The following DOCK3 variants were observed in gnomAD, a reference collection of about 807,000 sequenced individuals.
DOCK3 encodes dedicator of cytokinesis protein 3.
A neutral mutation model predicts 265.6 loss-of-function variants in DOCK3; 60 were observed. That is an observed-to-expected ratio of 0.23 (90% CI 0.18 to 0.28). DOCK3 has a LOEUF of 0.28. DOCK3 is among the 10% of genes least tolerant of loss of function. DOCK3 has a pLI of 1.00. For synonymous variants in DOCK3, 881 were observed against 938.0 expected, an observed-to-expected ratio of 0.94 and a Z score of 1.11; for missense variants, 1,981 against 2,594.3, an observed-to-expected ratio of 0.76 and a Z score of 5.14.
At chr3:51,124,184 A>G (rs887958393) in intron 9 of DOCK3, among the ~76,000 whole-genome samples, 6 of 152,158 alleles carry the variant, frequency 3.9e-5, no homozygotes, top group Non-Finnish European at 8.8e-5. Flanking sequence ...TGCCAGCATT[A>G]TAATGTTATA....
rs533409645 is a variant in DOCK3, at chr3:51,164,746, A to G, written c.1037+4044A>G. On this transcript the variant is annotated intron_variant, in intron 12 of 52. Coordinates refer to ENST00000266037, the MANE Select transcript of DOCK3 (RefSeq NM_004947.5). ...ACCCACAAAAATTAAAAATGTAAAG[A>G]AATAAACTTCTTTTAATTAAAGCAA... Among the ~76,000 whole-genome samples the G allele has an allele frequency of 5.3e-5, 8 of 152,270 alleles. No individual in the cohort carries two copies. In the East Asian group the frequency reaches 1.5e-3, roughly 29 times the overall value.
At chr3:51,050,435 TGA>T (rs1166484364) in intron 5 of DOCK3, among the ~76,000 whole-genome samples, 1 of 152,114 alleles carries the variant, frequency 6.6e-6, no homozygotes, top group Non-Finnish European at 1.5e-5. Context: ...AGTTGATACA[TGA>T]GATTTATAGA....
chr3:51,075,406 C>T lies in DOCK3; in HGVS notation c.515C>T (p.Ser172Leu), dbSNP rs1019362298. 1.2e-5 allele frequency: 20 copies of T among 1,610,772 alleles called. No homozygotes were observed. Among genetic ancestry groups the T allele is most frequent in the South Asian group, 4.4e-5 (4 of 90,098 alleles). ...CGGAAGGACTTTGAAGTAGTGGACT[C>T]GGACCAGATTAGTGTCTCAGATCTC... ...VPRKDFEVVD[S>L]DQISVSDLYK... is the part of the protein sequence containing the mutation. The change falls in exon 7 of 53, where the codon TCG becomes TTG. Residue 172 changes from serine (S) to leucine (L), a missense_variant. Ser to Leu is a moderately radical substitution (Grantham distance 145). Coordinates refer to ENST00000266037, the MANE Select transcript of DOCK3 (RefSeq NM_004947.5).
intron 5 of DOCK3, among the ~76,000 whole-genome samples, chr3:50,999,689 C>CA (rs947707588): frequency 5.3e-5 from 8 of 151,450 alleles, no homozygotes; most frequent in African/African-American, 1.2e-4. Flanking sequence ...TCAACATGTG[C>CA]AAAAAAAAGG....
At chr3:51,249,418 G>A (rs2079054090) in intron 22 of DOCK3, among the ~76,000 whole-genome samples, 1 of 134,598 alleles carries the variant, frequency 7.4e-6, no homozygotes, top group Non-Finnish European at 1.6e-5. Context: ...CGTCCGGGAG[G>A]TGAGGGGCGC....
intron 9 of DOCK3, among the ~76,000 whole-genome samples, chr3:51,120,008 A>G (rs562734311): frequency 1.6e-4 from 25 of 152,024 alleles, no homozygotes; most frequent in Non-Finnish European, 2.9e-4. Flanking sequence ...TTGCCTTGCT[A>G]GCAAGGAGTT....
chr3:51,328,914 A>G (rs2084331101), intron 32 of DOCK3, among the ~76,000 whole-genome samples: 2 of 152,166 alleles, frequency 1.3e-5, no homozygotes, highest in South Asian at 4.1e-4. Flanking sequence ...GCAGTTTGGG[A>G]GGCTGAGGCA....
chr3:51,181,043 T>C (rs1266263994), intron 12 of DOCK3, among the ~76,000 whole-genome samples: 1 of 152,232 alleles, frequency 6.6e-6, no homozygotes, highest in Non-Finnish European at 1.5e-5. Context: ...GCTAAATTGC[T>C]ATAATTACAT....
At chr3:50,906,317 G>A (rs1184848977) in intron 4 of DOCK3, among the ~76,000 whole-genome samples, 13 of 151,992 alleles carry the variant, frequency 8.6e-5, no homozygotes, top group Admixed American at 8.5e-4. Flanking sequence ...TCTATTGATT[G>A]GAATAGTTTT....
chr3:51,185,942 G>A (rs1339137279), intron 12 of DOCK3, among the ~76,000 whole-genome samples: 1 of 152,022 alleles, frequency 6.6e-6, no homozygotes, highest in Non-Finnish European at 1.5e-5. Context: ...CCTAGTTTTG[G>A]GTATGTCTTT....
At position 51,341,386 on chromosome 3, in the gene DOCK3, G is replaced by A; in HGVS notation, c.3915+1G>A. ...CATTCACTACTTCAACAAAGGCAAG[G>A]TATGCATCATTAGGCAAGCCCTTTA... On this transcript the variant is annotated splice_donor_variant, in intron 38 of 52. Coordinates refer to ENST00000266037, the MANE Select transcript of DOCK3 (RefSeq NM_004947.5). LOFTEE classifies it high-confidence loss of function. The A allele has an allele frequency of 6.2e-7, 1 of 1,613,538 alleles. No homozygotes were observed.
At chr3:50,759,427 G>A (rs2040396479) in intron 1 of DOCK3, among the ~76,000 whole-genome samples, 1 of 151,862 alleles carries the variant, frequency 6.6e-6, no homozygotes, top group African/African-American at 2.4e-5. Flanking sequence ...GCATCTCATT[G>A]TGCTTTGATT....
intron 1 of DOCK3, among the ~76,000 whole-genome samples, chr3:50,729,220 A>T (rs1228144142): frequency 6.8e-6 from 1 of 147,762 alleles, no homozygotes; most frequent in East Asian, 2.0e-4. Context: ...GCTACTCGGG[A>T]GGCTTAAGGT....
intron 2 of DOCK3, among the ~76,000 whole-genome samples, chr3:50,840,738 C>A (rs2107249419): frequency 6.6e-6 from 1 of 152,180 alleles, no homozygotes. Flanking sequence ...TAAGTTATCA[C>A]CATTTTTCAA....
chr3:50,724,636 CA>C (rs2037696871), intron 1 of DOCK3, among the ~76,000 whole-genome samples: 1 of 147,678 alleles, frequency 6.8e-6, no homozygotes, highest in Admixed American at 6.8e-5. Flanking sequence ...GGGAATGGAA[CA>C]ATAACACATG....
At chr3:51,130,047 A>G (rs1470563265) in intron 9 of DOCK3, among the ~76,000 whole-genome samples, 1 of 152,198 alleles carries the variant, frequency 6.6e-6, no homozygotes, top group African/African-American at 2.4e-5. Context: ...GCAGCAACTT[A>G]TACTTCACCT....
At chr3:51,323,475 A>G (rs1357862071) in intron 32 of DOCK3, among the ~76,000 whole-genome samples, 1 of 152,230 alleles carries the variant, frequency 6.6e-6, no homozygotes, top group African/African-American at 2.4e-5. Context: ...TCCTTGGCAA[A>G]TGCAAGAGAA....
At chr3:51,145,264 A>G (rs2085245999) in intron 9 of DOCK3, among the ~76,000 whole-genome samples, 1 of 151,934 alleles carries the variant, frequency 6.6e-6, no homozygotes, top group South Asian at 2.1e-4. Context: ...CTTTTAGGGT[A>G]CATGTGCACA....
At chr3:51,145,336 G>A (rs912982947) in intron 9 of DOCK3, among the ~76,000 whole-genome samples, 2 of 151,838 alleles carry the variant, frequency 1.3e-5, no homozygotes, top group South Asian at 2.1e-4. Context: ...CCATTAACTC[G>A]TTATTTAGCA....
Sources: gnomAD v4.1 joint callset for allele counts (sites outside exome capture counted in the v4.1 genomes callset) on GRCh38, gnomAD v4.1.1 for gene constraint, MANE v1.5 for transcripts, NCBI Gene and HGNC (gene_info 2026-07-23, HGNC 2026-07-21) for gene names.